CDYL2: variants seen among roughly 807,000 people sequenced by gnomAD.
CDYL2 encodes the protein chromodomain Y-like protein 2.
A neutral mutation model predicts 49.4 loss-of-function variants in CDYL2; 23 were observed. That is an observed-to-expected ratio of 0.47 (90% confidence interval 0.34 to 0.66). CDYL2 has a LOEUF of 0.66. Among genes scored for constraint, CDYL2 ranks in the 30% least tolerant of loss-of-function variants. CDYL2 has a pLI of 0.01. For missense variants in CDYL2, 678 were observed against 656.4 expected (o/e 1.03, Z -0.36); for synonymous variants, 360 against 268.8 (o/e 1.34, Z -3.32).
At chr16:80,745,355 C>G (rs1233670697) in intron 1 of CDYL2, among the ~76,000 whole-genome samples, 1 of 152,124 alleles carries the variant, frequency 6.6e-6, no homozygotes, top group Non-Finnish European at 1.5e-5. Flanking sequence ...CAAACAGGAG[C>G]CAAAAGAAAC....
At chr16:80,609,178 T>C (rs540322781) in intron 5 of CDYL2, among the ~76,000 whole-genome samples, 2 of 152,298 alleles carry the variant, frequency 1.3e-5, no homozygotes, top group Admixed American at 1.3e-4. Context: ...AGGAGCTATA[T>C]AGATAAAGTC....
chr16:80,804,972 C>T (rs1597141724), upstream of CDYL2, among the ~76,000 whole-genome samples: 2 of 152,136 alleles, frequency 1.3e-5, no homozygotes, highest in Non-Finnish European at 2.9e-5. Context: ...CGGCCCCTCC[C>T]TCCAGGCTGG....
chr16:80,629,943 T>C (rs1442567851), intron 3 of CDYL2, among the ~76,000 whole-genome samples: 2 of 152,164 alleles, frequency 1.3e-5, no homozygotes, highest in Admixed American at 6.5e-5. Flanking sequence ...TTATCTCTAA[T>C]CTTGCCAGCA....
At chr16:80,607,961 A>T (rs1286422006) in intron 6 of CDYL2, 131 bp downstream of exon 6, 2 of 1,086,094 alleles carry the variant, frequency 1.8e-6, no homozygotes, top group Non-Finnish European at 2.5e-6. Flanking sequence ...CATTTGTTAA[A>T]TTGCAAAGGG....
At chr16:80,638,649 A>C (rs1360939361) in intron 2 of CDYL2, among the ~76,000 whole-genome samples, 4 of 152,182 alleles carry the variant, frequency 2.6e-5, no homozygotes, top group Non-Finnish European at 5.9e-5. Context: ...TATATGATAG[A>C]CGACCCAGAA....
intron 1 of CDYL2, among the ~76,000 whole-genome samples, chr16:80,724,334 G>A (rs1905098086): frequency 6.6e-6 from 1 of 152,004 alleles, no homozygotes; most frequent in Non-Finnish European, 1.5e-5. Context: ...GGAAGAGGAG[G>A]AGGAGGAAGA....
At chr16:80,748,390 GGTGGCAGGCGCCT>G (rs1906008630) in intron 1 of CDYL2, among the ~76,000 whole-genome samples, 1 of 149,234 alleles carries the variant, frequency 6.7e-6, no homozygotes, top group Non-Finnish European at 1.5e-5. Context: ...AGCCAGGCTT[GGTGGCAGGCGCCT>G]GTAGTACCAG....
chr16:80,620,892 T>C lies in CDYL2; in HGVS notation c.878A>G (p.Asp293Gly). Reference protein sequence around the residue: ...VRRALCNAATDDSKLLLLSAV... With the variant: ...VRRALCNAATGDSKLLLLSAV... Reference sequence around the variant, plus strand: ...GCTGAGGAGCAGCAGTTTGCTGTCGTCTGTGGCTGCGTTGCAGAGCGCTCG... The same window carrying C: ...GCTGAGGAGCAGCAGTTTGCTGTCGCCTGTGGCTGCGTTGCAGAGCGCTCG... Residue 293 changes from aspartate (D) to glycine (G), a missense_variant, in exon 4 of 7, where the codon GAC becomes GGC. Coordinates refer to ENST00000570137, the MANE Select transcript of CDYL2 (RefSeq NM_152342.4). 6.2e-7 allele frequency: 1 copy of C among 1,610,966 alleles called. No individual in the cohort carries two copies. The highest frequency in any genetic ancestry group is 8.5e-7 in the Non-Finnish European group (1 of 1,177,834).
intron 2 of CDYL2, among the ~76,000 whole-genome samples, chr16:80,656,551 AGCCC>A (rs1367327683): frequency 1.3e-5 from 2 of 152,210 alleles, no homozygotes; most frequent in African/African-American, 4.8e-5. Context: ...AAAATAGGAA[AGCCC>A]CCATCATGCT....
At chr16:80,797,572 A>G (rs918212510) in intron 1 of CDYL2, among the ~76,000 whole-genome samples, 2 of 151,812 alleles carry the variant, frequency 1.3e-5, no homozygotes, top group African/African-American at 4.8e-5. Context: ...TTTTTTTTCC[A>G]GCATACCTGG....
chr16:80,637,571 C>T (rs1288849334), intron 2 of CDYL2, among the ~76,000 whole-genome samples: 1 of 152,146 alleles, frequency 6.6e-6, no homozygotes, highest in Non-Finnish European at 1.5e-5. Context: ...TAAGCAAATA[C>T]TGTAAGGTCA....
chr16:80,670,651 C>T (rs886997524), intron 2 of CDYL2, among the ~76,000 whole-genome samples: 3 of 152,110 alleles, frequency 2.0e-5, no homozygotes, highest in Non-Finnish European at 2.9e-5. Flanking sequence ...CCCGGGGCTC[C>T]GTGGACGGCA....
intron 1 of CDYL2, among the ~76,000 whole-genome samples, chr16:80,743,914 T>G (rs1204695594): frequency 6.6e-6 from 1 of 152,102 alleles, no homozygotes; most frequent in African/African-American, 2.4e-5. Flanking sequence ...GATCACTTAG[T>G]GGTTGCGGTG....
chr16:80,760,534 C>A (rs1906490818), intron 1 of CDYL2, among the ~76,000 whole-genome samples: 1 of 151,724 alleles, frequency 6.6e-6, no homozygotes, highest in Non-Finnish European at 1.5e-5. Context: ...GAATGGATTC[C>A]CCATTGTCCA....
intron 4 of CDYL2, among the ~76,000 whole-genome samples, chr16:80,614,398 C>T (rs1182140323): frequency 6.6e-6 from 1 of 152,144 alleles, no homozygotes; most frequent in East Asian, 1.9e-4. Context: ...TTGATGGGCA[C>T]AGCAGTCTTG....
chr16:80,722,093 A>T (rs528360172), intron 1 of CDYL2, among the ~76,000 whole-genome samples: 2 of 152,348 alleles, frequency 1.3e-5, no homozygotes, highest in African/African-American at 4.8e-5. Context: ...AGTGATAAGG[A>T]AGCATTGAGT....
At chr16:80,776,353 TA>T (rs1907082468) in intron 1 of CDYL2, among the ~76,000 whole-genome samples, 1 of 152,076 alleles carries the variant, frequency 6.6e-6, no homozygotes, top group African/African-American at 2.4e-5. Context: ...AAAAGATGAA[TA>T]TACACTAGGA....
chr16:80,757,837 T>G (rs567067351), intron 1 of CDYL2, among the ~76,000 whole-genome samples: 79 of 152,182 alleles, frequency 5.2e-4, no homozygotes, highest in African/African-American at 1.9e-3. Context: ...CCAATTGGCC[T>G]ATTATAAATG....
chr16:80,612,519 G>A lies in CDYL2; in HGVS notation c.1218+107C>T. The A allele has an allele frequency of 9.7e-6, 11 of 1,138,026 alleles. No individual in the cohort carries two copies. Among genetic ancestry groups the A allele is most frequent in the Non-Finnish European group, 1.4e-5 (11 of 799,064 alleles). The allele number at this position is 1,138,026 out of a possible 1,614,324, so 70.5% of individuals were successfully genotyped here. A position where few individuals can be genotyped will look rare whatever the true frequency, so the allele number is the denominator to read the frequency against. ...GGACATGAGGCAGCCAAGCCAATCT[G>A]CAGGCTGACAACACCCTCAGGTTTC... On this transcript the variant is annotated intron_variant, in intron 5 of 6. Coordinates refer to ENST00000570137, the MANE Select transcript of CDYL2 (RefSeq NM_152342.4). This position sits in a 1 kb window ranked among gnomAD's most constrained non-coding sequence, Gnocchi z 5.0.
Sources: allele counts gnomAD v4.1 joint callset (sites outside exome capture counted in the v4.1 genomes callset), GRCh38; gene constraint gnomAD v4.1.1; non-coding constraint Gnocchi (gnomAD v3.1); transcripts MANE v1.5; gene names NCBI Gene and HGNC (gene_info 2026-07-23, HGNC 2026-07-21).